Variants in DISP3 observed in about 807,000 individuals in gnomAD.
DISP3 encodes the protein protein dispatched homolog 3.
Under a neutral mutation model 135.3 loss-of-function variants are expected in DISP3, and 101 were observed. The ratio of observed to expected loss-of-function variants is 0.75; its 90% CI spans 0.64 to 0.88. The LOEUF is 0.88. Ranked by LOEUF, DISP3 falls within the 40% of genes least tolerant of loss-of-function variation. DISP3 has a pLI of 0.00. For missense variants in DISP3, 1,713 were observed against 1,878.6 expected (o/e 0.91, Z 1.63); for synonymous variants, 856 against 817.0 (o/e 1.05, Z -0.81).
chr1:11,532,015 G>T (rs1381711132), intron 17 of DISP3, among the ~76,000 whole-genome samples: 1 of 152,164 alleles, frequency 6.6e-6, no homozygotes, highest in East Asian at 1.9e-4. Context: ...GTCTGTAGGG[G>T]CCGGTGGAAG....
At chr1:11,508,002 A>G (rs1013714649) in intron 3 of DISP3, among the ~76,000 whole-genome samples, 5 of 152,210 alleles carry the variant, frequency 3.3e-5, no homozygotes, top group African/African-American at 1.2e-4. Flanking sequence ...TGGCTTTTTA[A>G]AGTCCTGTTT....
At position 11,479,176 on chromosome 1, in the gene DISP3, G is replaced by C. The variant is rs1166053748; in HGVS notation, c.-200G>C. The C allele has an allele frequency of 6.4e-6, 1 of 157,074 alleles. No homozygotes were observed. 9.7% of individuals were successfully genotyped at this position (157,074 alleles called of 1,614,324 possible). ...GCTCGGGTTGCGAGCTGAGGACTGG[G>C]ATTCGCGCGCAGCTTCCCGCGGTCT... On this transcript the variant is annotated 5_prime_UTR_variant, in exon 1 of 21. Transcript: ENST00000294484.
chr1:11,483,973 G>A lies in DISP3; in HGVS notation c.-4+4601G>A, dbSNP rs1037766839. On this transcript the variant is annotated intron_variant, in intron 1 of 20. Coordinates refer to ENST00000294484, the MANE Select transcript of DISP3 (RefSeq NM_020780.2). This position sits in a 1 kb window ranked among gnomAD's most constrained non-coding sequence, Gnocchi z 5.4. ...AGGCCAGGGATCTTCCCAGGCAGCC[G>A]GACTGGCTTCCTTGGGTGTGTGGGA... Among the ~76,000 whole-genome samples, 17 of 152,176 alleles carry A rather than the reference G, an allele frequency of 1.1e-4. No homozygotes were observed. The highest frequency in any genetic ancestry group is 2.1e-4 in the Non-Finnish European group (14 of 68,032).
rs1318732955 is a variant in DISP3 at position 11,529,428 on chromosome 1, C to G, written c.2799-128C>G. On this transcript the variant is annotated intron_variant, in intron 13 of 20. Transcript: ENST00000294484. This position sits in a 1 kb window ranked among gnomAD's most constrained non-coding sequence, Gnocchi z 4.7. ...CTCAACCTGAGAACAAATCCCCATG[C>G]CGGGGCAGAGCCCGAGTCCAGACCC... The G allele has an allele frequency of 7.8e-6, 9 of 1,149,882 alleles. No individual in the cohort carries two copies. The African/African-American group carries it at 1.4e-4, about 18-fold the overall frequency. 71.2% of individuals were successfully genotyped at this position (1,149,882 alleles called of 1,614,324 possible).
In DISP3 at chr1:11,532,485, GC is replaced by G. The variant is rs201041500; in HGVS notation, c.3375+781del. 3.5e-4 allele frequency among the ~76,000 whole-genome samples: 54 copies of G among 152,174 alleles called. No individual in the cohort carries two copies. The East Asian group carries it at 9.8e-3, about 28-fold the overall frequency. ...TAACTGGGGAGGTGATTCTCCTCTG[GC>G]CCCCCACCCTGACTTCCTTCCCACT... On this transcript the variant is annotated intron_variant, in intron 17 of 20. Transcript: ENST00000294484.
chr1:11,484,651 G>A (rs1455789731), intron 1 of DISP3, among the ~76,000 whole-genome samples: 2 of 152,188 alleles, frequency 1.3e-5, no homozygotes, highest in East Asian at 1.9e-4. Flanking sequence ...CCTCCCATCC[G>A]TTCCTCCCTC....
chr1:11,501,558 C>T lies in DISP3; in HGVS notation c.566C>T (p.Thr189Ile), dbSNP rs1557599658. 6.9e-6 allele frequency: 11 copies of T among 1,588,412 alleles called. No individual in the cohort carries two copies. Among genetic ancestry groups the T allele is most frequent in the South Asian group, 1.1e-5 (1 of 88,326 alleles). Residue 189 changes from threonine (T) to isoleucine (I), a missense_variant, in exon 2 of 21, where the codon ACT becomes ATT. By Grantham distance (89) the Thr-to-Ile change is moderately conservative. Transcript: ENST00000294484. The surrounding 1 kb of genome is among the most constrained non-coding windows in gnomAD (Gnocchi z 4.9). Reference sequence around the variant, plus strand: ...GGTGGCCCAGGCCCTTACCGGGACACTTCCGCGGCTCAAAAGCCCACAGCC... The same window carrying T: ...GGTGGCCCAGGCCCTTACCGGGACATTTCCGCGGCTCAAAAGCCCACAGCC... The part of the protein sequence containing the change: ...SLGGPGPYRD[T>I]SAAQKPTANR...
chr1:11,520,578 A>G lies in DISP3; in HGVS notation c.2201-109A>G. 2 of 1,298,270 alleles carry G rather than the reference A, an allele frequency of 1.5e-6. No homozygotes were observed. The highest frequency in any genetic ancestry group is 1.5e-5 in the African/African-American group (1 of 67,808). 80.4% of individuals were successfully genotyped at this position (1,298,270 alleles called of 1,614,324 possible). On this transcript the variant is annotated intron_variant, in intron 9 of 20. Coordinates refer to ENST00000294484, the MANE Select transcript of DISP3 (RefSeq NM_020780.2). The surrounding 1 kb of genome is among the most constrained non-coding windows in gnomAD (Gnocchi z 4.8). ...CAGGGCCTTCCCCCGCACCCTTAGG[A>G]CACCCGCCCCCCAACAACCAGAGCA...
In DISP3 at chr1:11,529,135, A is replaced by T. The variant is rs1642505938; in HGVS notation, c.2799-421A>T. Among the ~76,000 whole-genome samples the T allele has an allele frequency of 6.6e-6, 1 of 152,108 alleles. No homozygotes were observed. Among genetic ancestry groups the T allele is most frequent in the African/African-American group, 2.4e-5 (1 of 41,416 alleles). Reference sequence around the variant, plus strand: ...CACTGGAGCCCTTCCTTCCTATAGAATCTAGAGACTCCCTAACTGTTGGGG... The same window carrying T: ...CACTGGAGCCCTTCCTTCCTATAGATTCTAGAGACTCCCTAACTGTTGGGG... On this transcript the variant is annotated intron_variant, in intron 13 of 20. Transcript: ENST00000294484. The surrounding 1 kb of genome is among the most constrained non-coding windows in gnomAD (Gnocchi z 4.7).
chr1:11,514,345 A>T, intron 3 of DISP3, 45 bp from the exon 4 acceptor site: 1 of 1,564,838 alleles, frequency 6.4e-7, no homozygotes, highest in African/African-American at 1.4e-5. Flanking sequence ...GCCATCTCTA[A>T]TCCTCTTCCT....
At chr1:11,493,499 C>T (rs139254778) in intron 1 of DISP3, among the ~76,000 whole-genome samples, 35 of 152,100 alleles carry the variant, frequency 2.3e-4, no homozygotes, top group East Asian at 1.2e-3. Context: ...CGGAGGTGGG[C>T]GGATCACTTG....
intron 10 of DISP3, among the ~76,000 whole-genome samples, chr1:11,522,964 G>C (rs1177957879): frequency 1.3e-5 from 2 of 151,364 alleles, no homozygotes. Flanking sequence ...CCAGGACCCA[G>C]CCAGGACCCA....
chr1:11,517,598 A>G lies in DISP3; in HGVS notation c.1885A>G (p.Thr629Ala), dbSNP rs1410271290. 2 of 1,613,528 alleles carry G rather than the reference A, an allele frequency of 1.2e-6. No homozygotes were observed. The highest frequency in any genetic ancestry group is 1.7e-5 in the Admixed American group (1 of 60,020). ...GGCACCACTGGAGAGCTCCTGCCAG[A>G]CCAGGTAAGTCGGGCAGGGCCTCCA... Reference protein sequence around the residue: ...YLAPLESSCQTSCHQNCSRKT... With the variant: ...YLAPLESSCQASCHQNCSRKT... The change falls in exon 7 of 21, where the codon ACC becomes GCC. Residue 629 changes from threonine (T) to alanine (A), a missense_variant. Coordinates refer to ENST00000294484, the MANE Select transcript of DISP3 (RefSeq NM_020780.2).
At chr1:11,489,385 G>A (rs1300400908) in intron 1 of DISP3, among the ~76,000 whole-genome samples, 5 of 152,264 alleles carry the variant, frequency 3.3e-5, no homozygotes, top group African/African-American at 7.2e-5. Context: ...CTTCCGCAGA[G>A]CTAGGAACTG....
At position 11,536,765 on chromosome 1, in the gene DISP3, T is replaced by C; in HGVS notation, c.*79T>C. 1 of 1,439,326 alleles carries C rather than the reference T, an allele frequency of 6.9e-7. No individual in the cohort carries two copies. The highest frequency in any genetic ancestry group is 9.1e-7 in the Non-Finnish European group (1 of 1,098,336). 89.2% of individuals were successfully genotyped at this position (1,439,326 alleles called of 1,614,324 possible). Reference sequence around the variant, plus strand: ...AGCTGCTTCCCAGCTCGACTTCAGCTAGCTGTGTCCCCAGGCCTGGGCCCA... The same window carrying C: ...AGCTGCTTCCCAGCTCGACTTCAGCCAGCTGTGTCCCCAGGCCTGGGCCCA... On this transcript the variant is annotated 3_prime_UTR_variant, in exon 21 of 21. Transcript: ENST00000294484. The surrounding 1 kb of genome is among the most constrained non-coding windows in gnomAD (Gnocchi z 4.3).
chr1:11,486,046 G>A (rs1191618001), intron 1 of DISP3, among the ~76,000 whole-genome samples: 1 of 152,188 alleles, frequency 6.6e-6, no homozygotes, highest in Non-Finnish European at 1.5e-5. Flanking sequence ...ATAGGGTGAT[G>A]TGGGCTGACC....
chr1:11,484,905 A>C (rs1375116033), intron 1 of DISP3, among the ~76,000 whole-genome samples: 1 of 152,138 alleles, frequency 6.6e-6, no homozygotes, highest in Non-Finnish European at 1.5e-5. Flanking sequence ...GGCCTTCTCC[A>C]TTATTTCCCA....
chr1:11,501,878 G>C lies in DISP3; in HGVS notation c.886G>C (p.Val296Leu). ...ERNIFTSERL[V>L]TIHEIERKIM... ...CAACATTTTCACCAGTGAGCGCCTGGTCACGATCCATGAGATCGAGCGCAA... is the reference window on the plus strand; with the variant it reads ...CAACATTTTCACCAGTGAGCGCCTGCTCACGATCCATGAGATCGAGCGCAA... Residue 296 changes from valine (V) to leucine (L), a missense_variant, in exon 2 of 21, where the codon GTC becomes CTC. Around this residue, in one of 2 missense-constraint regions of DISP3, gnomAD observed 571 missense variants for 494.1 expected, o/e 1.16. Transcript: ENST00000294484. This position sits in a 1 kb window ranked among gnomAD's most constrained non-coding sequence, Gnocchi z 4.9. 6.2e-7 allele frequency: 1 copy of C among 1,613,318 alleles called. No individual in the cohort carries two copies. Among genetic ancestry groups the C allele is most frequent in the Non-Finnish European group, 8.5e-7 (1 of 1,179,764 alleles).
At chr1:11,492,515 G>A (rs897071515) in intron 1 of DISP3, among the ~76,000 whole-genome samples, 1 of 152,160 alleles carries the variant, frequency 6.6e-6, no homozygotes, top group Non-Finnish European at 1.5e-5. Flanking sequence ...GAAATGGGGG[G>A]CTTGGACAGG....
Sources: gnomAD v4.1 joint callset for allele counts (sites outside exome capture counted in the v4.1 genomes callset) on GRCh38, gnomAD v4.1.1 for gene constraint, gnomAD v4.1.1 regional missense constraint, Gnocchi (gnomAD v3.1) non-coding constraint, MANE v1.5 for transcripts, NCBI Gene and HGNC (gene_info 2026-07-23, HGNC 2026-07-21) for gene names.